The following RAPGEF6 variants were observed in gnomAD, a reference collection of about 807,000 sequenced individuals.
RAPGEF6 encodes the protein PDZ domain containing guanine nucleotide exchange factor (GEF) 2.
Under a neutral mutation model 171.4 loss-of-function variants are expected in RAPGEF6, and 56 were observed. That is an observed-to-expected ratio of 0.33 (90% CI 0.26 to 0.41). The LOEUF is 0.41. Ranked by LOEUF, RAPGEF6 falls within the 10% of genes least tolerant of loss-of-function variation. The pLI is 1.00. For missense variants in RAPGEF6, 1,674 were observed against 1,921.4 expected (o/e 0.87, Z 2.41); for synonymous variants, 692 against 650.1 (o/e 1.06, Z -0.98).
intron 6 of RAPGEF6, among the ~76,000 whole-genome samples, chr5:131,538,298 T>C (rs1759907398): frequency 6.6e-6 from 1 of 152,134 alleles, no homozygotes; most frequent in African/African-American, 2.4e-5. Flanking sequence ...TGGGCAAACA[T>C]CACTGAGTGT....
intron 8 of RAPGEF6, among the ~76,000 whole-genome samples, chr5:131,508,502 C>G (rs1280343492): frequency 6.6e-6 from 1 of 152,176 alleles, no homozygotes; most frequent in Non-Finnish European, 1.5e-5. Context: ...ATCTAATATT[C>G]CTAGCCACTC....
Position 131,484,028 on chromosome 5 carries a change from G to A in RAPGEF6, c.1841-4275C>T, listed in dbSNP as rs536029729. Among the ~76,000 whole-genome samples, 59 of 149,352 alleles carry A rather than the reference G, an allele frequency of 4.0e-4. No individual in the cohort carries two copies. In the South Asian group the frequency reaches 0.012, roughly 30 times the overall value. On this transcript the variant is annotated intron_variant, in intron 15 of 27. Transcript: ENST00000509018. ...GGAGAATGGCATGAACCCAGGAGGC[G>A]GAGCTTGCAGCGAGTGGAGATCGTG...
chr5:131,453,924 C>T (rs1277318140), intron 20 of RAPGEF6, among the ~76,000 whole-genome samples: 1 of 152,152 alleles, frequency 6.6e-6, no homozygotes, highest in Non-Finnish European at 1.5e-5. Context: ...CTTATGAAAA[C>T]TGAGTGATAA....
chr5:131,445,757 T>C (rs1210129528), intron 22 of RAPGEF6, among the ~76,000 whole-genome samples: 1 of 152,068 alleles, frequency 6.6e-6, no homozygotes, highest in Non-Finnish European at 1.5e-5. Flanking sequence ...TTTGTAGAGA[T>C]GGGGTCTCTT....
chr5:131,498,484 T>C lies in RAPGEF6; in HGVS notation c.1378A>G (p.Lys460Glu). The stretch of plus-strand genomic sequence containing the variant: ...TCGATCTTAAACCATTCCAATAGTT[T>C]GATCCCAACATCCAAAGGACTTTCA... The part of the protein sequence containing the change: ...FLESPLDVGI[K>E]LLEWFKIDSL... The change falls in exon 12 of 28, where the codon AAA (lysine) becomes GAA (glutamate). Residue 460 changes from lysine to glutamate, a missense_variant. By Grantham distance (56) the Lys-to-Glu change is moderately conservative. This residue lies in a region of RAPGEF6 where 1,116 missense variants were observed against 1,321.5 expected (regional missense o/e 0.84). Coordinates refer to ENST00000509018, the MANE Select transcript of RAPGEF6 (RefSeq NM_016340.6). 6.2e-7 allele frequency: 1 copy of C among 1,613,796 alleles called. No homozygotes were observed. The highest frequency in any genetic ancestry group is 8.5e-7 in the Non-Finnish European group (1 of 1,179,910).
At chr5:131,612,970 T>A (rs1580676622) in intron 1 of RAPGEF6, among the ~76,000 whole-genome samples, 1 of 152,132 alleles carries the variant, frequency 6.6e-6, no homozygotes, top group East Asian at 1.9e-4. Context: ...ACTAATAAGG[T>A]TTATCACTTT....
In RAPGEF6 at chr5:131,461,497, CAA is replaced by C. The variant is rs551793559; in HGVS notation, c.2864+206_2864+207del. ...GAAGGCAATCACCCACTTTCATTTA[CAA>C]AAAAGAAGTAAAAGAAAGATGGAAG... On this transcript the variant is annotated intron_variant, in intron 19 of 27. Transcript: ENST00000509018. Among the ~76,000 whole-genome samples the C allele has an allele frequency of 3.7e-3, 566 of 151,640 alleles. 4 individuals carry two copies. Among genetic ancestry groups the C allele is most frequent in the African/African-American group, 0.013 (537 of 41,314 alleles).
At chr5:131,615,565 A>G (rs1765212837) in intron 1 of RAPGEF6, among the ~76,000 whole-genome samples, 1 of 152,208 alleles carries the variant, frequency 6.6e-6, no homozygotes, top group South Asian at 2.1e-4. Context: ...GGTGCTAATC[A>G]TTTACGCTGA....
In RAPGEF6 at chr5:131,472,370, C is replaced by CAG; in HGVS notation, c.2239+215_2239+216dup. 3 of 633,388 alleles carry CAG rather than the reference C, an allele frequency of 4.7e-6. No individual in the cohort carries two copies. The South Asian group carries it at 5.0e-5, about 11-fold the overall frequency. 39.2% of individuals were successfully genotyped at this position (633,388 alleles called of 1,614,324 possible). The stretch of plus-strand genomic sequence containing the variant: ...ACAGGCGTGAGCCACTGCGCCTGGC[C>CAG]AGAGGTAGTCTCTTTTTTATGTACT... On this transcript the variant is annotated intron_variant, in intron 17 of 27. Coordinates refer to ENST00000509018, the MANE Select transcript of RAPGEF6 (RefSeq NM_016340.6).
intron 7 of RAPGEF6, among the ~76,000 whole-genome samples, chr5:131,520,525 G>A (rs1234240230): frequency 2.0e-5 from 3 of 151,726 alleles, no homozygotes; most frequent in Non-Finnish European, 2.9e-5. Flanking sequence ...TTAAATACGT[G>A]GCTCACATTA....
intron 1 of RAPGEF6, among the ~76,000 whole-genome samples, chr5:131,605,716 C>T (rs889733021): frequency 1.3e-5 from 2 of 151,872 alleles, no homozygotes; most frequent in African/African-American, 4.8e-5. Context: ...GTTAATAAGA[C>T]AACACGGAGC....
chr5:131,472,640 C>A lies in RAPGEF6; in HGVS notation c.2186G>T (p.Ser729Ile). The change falls in exon 17 of 28, where the codon AGC becomes ATC. Residue 729 changes from serine to isoleucine, a missense_variant. By Grantham distance (142) the Ser-to-Ile change is moderately radical. Transcript: ENST00000509018. The part of the protein sequence containing the change: ...MPIPGTLSSS[S>I]PDLLQPTTSM... ...GGTGGTAGGCTGCAGGAGATCAGGG[C>A]TGCTGGATGAGAGTGTTCCAGGGAT... 1 of 1,614,056 alleles carries A rather than the reference C, an allele frequency of 6.2e-7. No homozygotes were observed. The highest frequency in any genetic ancestry group is 1.1e-5 in the South Asian group (1 of 91,070).
At chr5:131,518,779 A>G (rs893764837) in intron 7 of RAPGEF6, among the ~76,000 whole-genome samples, 3 of 152,074 alleles carry the variant, frequency 2.0e-5, no homozygotes, top group Non-Finnish European at 2.9e-5. Context: ...TAACATTATT[A>G]TAAGTTTCTT....
intron 6 of RAPGEF6, among the ~76,000 whole-genome samples, chr5:131,521,921 TCTCC>T (rs1228527058): frequency 3.4e-5 from 5 of 145,260 alleles, no homozygotes; most frequent in Middle Eastern, 3.6e-3. Flanking sequence ...ACACACTCAC[TCTCC>T]CTCCCTCCCT....
At chr5:131,503,101 C>A (rs1356264162) in intron 11 of RAPGEF6, among the ~76,000 whole-genome samples, 1 of 152,094 alleles carries the variant, frequency 6.6e-6, no homozygotes, top group Non-Finnish European at 1.5e-5. Context: ...CCATGCCCGG[C>A]CCTGAATGGT....
At chr5:131,435,789 C>T (rs1751972993) in intron 24 of RAPGEF6, 7 of 1,307,474 alleles carry the variant, frequency 5.4e-6, no homozygotes, top group Non-Finnish European at 6.0e-6. Flanking sequence ...TAACTCAATA[C>T]ATCAGTAAAA....
intron 5 of RAPGEF6, among the ~76,000 whole-genome samples, chr5:131,548,428 A>G (rs1410012064): frequency 6.6e-6 from 1 of 152,224 alleles, no homozygotes; most frequent in East Asian, 1.9e-4. Context: ...ACATAAACAT[A>G]CATCCTCTAA....
chr5:131,505,659 G>A, intron 9 of RAPGEF6, 137 bp from the exon 10 acceptor site: 1 of 716,920 alleles, frequency 1.4e-6, no homozygotes, highest in Non-Finnish European at 2.2e-6. Context: ...CAAACACTCT[G>A]TAACACCCTA....
chr5:131,541,552 T>C (rs999620405), intron 6 of RAPGEF6, among the ~76,000 whole-genome samples: 3 of 152,092 alleles, frequency 2.0e-5, no homozygotes, highest in African/African-American at 7.2e-5. Context: ...AGACAGGGTC[T>C]TGCTTTGTTG....
Sources: gnomAD v4.1 joint callset for allele counts (sites outside exome capture counted in the v4.1 genomes callset) on GRCh38, gnomAD v4.1.1 for gene constraint, gnomAD v4.1.1 regional missense constraint, MANE v1.5 for transcripts, NCBI Gene and HGNC (gene_info 2026-07-23, HGNC 2026-07-21) for gene names.